KCNIP1: variants seen among roughly 807,000 people sequenced by gnomAD.
The protein encoded by KCNIP1 is A-type potassium channel modulatory protein KCNIP1.
A neutral mutation model predicts 33.0 loss-of-function variants in KCNIP1; 18 were observed. The ratio of observed to expected loss-of-function variants is 0.55; its 90% CI spans 0.38 to 0.81. The LOEUF (loss-of-function observed/expected upper bound fraction) is 0.81. KCNIP1 is among the 30% of genes least tolerant of loss of function. KCNIP1 has a pLI of 0.00. For missense variants in KCNIP1, 238 were observed against 271.6 expected, an observed-to-expected ratio of 0.88 and a Z score of 0.87; for synonymous variants, 93 against 98.3, an observed-to-expected ratio of 0.95 and a Z score of 0.32.
At chr5:170,517,622 AATG>A (rs1453980031) in intron 1 of KCNIP1, among the ~76,000 whole-genome samples, 1 of 151,302 alleles carries the variant, frequency 6.6e-6, no homozygotes, top group Non-Finnish European at 1.5e-5. Flanking sequence ...TGATAATAGT[AATG>A]ATGGTGATAT....
At chr5:170,684,367 C>G (rs1010012293) in intron 1 of KCNIP1, among the ~76,000 whole-genome samples, 3 of 152,172 alleles carry the variant, frequency 2.0e-5, no homozygotes, top group Non-Finnish European at 2.9e-5. Flanking sequence ...AGTCTAAAGT[C>G]TCTAGAGAAG....
At chr5:170,447,128 AGTAGGAGCTGGGAAAGCTCCTACT>A (rs1158309633) in intron 1 of KCNIP1, among the ~76,000 whole-genome samples, 1 of 144,018 alleles carries the variant, frequency 6.9e-6, no homozygotes, top group Non-Finnish European at 1.5e-5. Flanking sequence ...AAAACATCCC[AGTAGGAGCTGGGAAAGCTCCTACT>A]GCATGTCTTG....
chr5:170,453,725 G>C (rs1285214561), intron 1 of KCNIP1, among the ~76,000 whole-genome samples: 3 of 152,200 alleles, frequency 2.0e-5, no homozygotes, highest in South Asian at 2.1e-4. Flanking sequence ...ATTCATGCTA[G>C]AGATTCTCCT....
chr5:170,395,408 G>T (rs1561604313), intron 1 of KCNIP1, among the ~76,000 whole-genome samples: 1 of 152,154 alleles, frequency 6.6e-6, no homozygotes, highest in Non-Finnish European at 1.5e-5. Flanking sequence ...CTAGGTTATG[G>T]CTAAGTCGGG....
Position 170,622,359 on chromosome 5 carries a change from C to T in KCNIP1, c.62-96399C>T, listed in dbSNP as rs553051704. On this transcript the variant is annotated intron_variant, in intron 1 of 7. Coordinates refer to ENST00000328939, the MANE Select transcript of KCNIP1 (RefSeq NM_014592.4). ...GATACAGGCCGGGGCCAGTAGCTCA[C>T]GCCTGTAATCCCAGCACTTTGGGAG... Among the ~76,000 whole-genome samples the T allele has an allele frequency of 1.9e-3, 294 of 152,224 alleles. 6 individuals carry two copies. In the South Asian group the frequency reaches 0.021, roughly 11 times the overall value.
intron 1 of KCNIP1, among the ~76,000 whole-genome samples, chr5:170,621,811 A>T (rs1759613150): frequency 6.6e-6 from 1 of 152,190 alleles, no homozygotes; most frequent in East Asian, 1.9e-4. Context: ...ACCTGGCCTT[A>T]TTCCCTTCTT....
At chr5:170,691,048 G>T (rs1380796313) in intron 1 of KCNIP1, among the ~76,000 whole-genome samples, 2 of 152,206 alleles carry the variant, frequency 1.3e-5, no homozygotes, top group African/African-American at 4.8e-5. Context: ...GAAGACAAAT[G>T]ATAGACTTAC....
At chr5:170,373,045 G>A (rs748086739) in intron 1 of KCNIP1, among the ~76,000 whole-genome samples, 2 of 152,218 alleles carry the variant, frequency 1.3e-5, no homozygotes, top group African/African-American at 2.4e-5. Context: ...TGTTGGCTTT[G>A]CTTCCATATA....
chr5:170,564,986 C>T (rs1010285343), intron 1 of KCNIP1, among the ~76,000 whole-genome samples: 26 of 152,044 alleles, frequency 1.7e-4, no homozygotes, highest in Admixed American at 1.3e-3. Context: ...TTACCTGGCC[C>T]CAAGTCCTGT....
At chr5:170,722,501 AG>A (rs1395363496) in intron 4 of KCNIP1, among the ~76,000 whole-genome samples, 1 of 147,500 alleles carries the variant, frequency 6.8e-6, no homozygotes, top group Non-Finnish European at 1.5e-5. Flanking sequence ...TTCTTCCTCA[AG>A]GGGGCACCTT....
At chr5:170,430,067 C>T (rs1199459262) in intron 1 of KCNIP1, among the ~76,000 whole-genome samples, 1 of 152,224 alleles carries the variant, frequency 6.6e-6, no homozygotes, top group Non-Finnish European at 1.5e-5. Flanking sequence ...ACACACTCTA[C>T]TCCAAAGTCA....
intron 1 of KCNIP1, among the ~76,000 whole-genome samples, chr5:170,595,812 C>T (rs1023753812): frequency 2.0e-5 from 3 of 152,220 alleles, no homozygotes; most frequent in Non-Finnish European, 4.4e-5. Context: ...AAGAGCCAAG[C>T]TCTTTACAGT....
intron 1 of KCNIP1, among the ~76,000 whole-genome samples, chr5:170,396,806 C>A (rs35121838): frequency 0.14 from 20,597 of 152,126 alleles, 1,455 homozygotes; most frequent in Admixed American, 0.19. Context: ...TCTTACCAGA[C>A]CTTAGAAGGT....
intron 1 of KCNIP1, among the ~76,000 whole-genome samples, chr5:170,427,589 C>T (rs1323418661): frequency 1.9e-4 from 29 of 152,178 alleles, no homozygotes; most frequent in Non-Finnish European, 1.5e-5. Flanking sequence ...TGTATCCTCA[C>T]CCAGGGGTTC....
intron 5 of KCNIP1, 150 bp downstream of exon 5, chr5:170,722,970 G>A (rs1441067888): frequency 3.3e-6 from 2 of 599,442 alleles, no homozygotes; most frequent in Admixed American, 6.1e-5. Flanking sequence ...AAATAAAGAA[G>A]GCCTCCCTCA....
chr5:170,616,822 C>T (rs1759393742), intron 1 of KCNIP1, among the ~76,000 whole-genome samples: 1 of 152,144 alleles, frequency 6.6e-6, no homozygotes, highest in Admixed American at 6.5e-5. Context: ...CTTCCATACA[C>T]CTGCCTTCAC....
In KCNIP1 at chr5:170,720,294, C is replaced by T. The variant is rs758156872; in HGVS notation, c.187-27C>T. 1.3e-5 allele frequency: 20 copies of T among 1,588,252 alleles called. No individual in the cohort carries two copies. The African/African-American group carries it at 2.2e-4, about 17-fold the overall frequency. On this transcript the variant is annotated intron_variant, in intron 2 of 7. Transcript: ENST00000328939. ...TCCTAGTGCTGGCCCTCAAATGCCT[C>T]CCGCTGACTCTCTCCCCTTCCCACA...
intron 1 of KCNIP1, among the ~76,000 whole-genome samples, chr5:170,661,585 A>G (rs1341231281): frequency 6.6e-6 from 1 of 152,116 alleles, no homozygotes. Context: ...GGCCTTCAGC[A>G]GCTGCATTCT....
chr5:170,492,863 C>A (rs1263689125), intron 1 of KCNIP1, among the ~76,000 whole-genome samples: 2 of 152,206 alleles, frequency 1.3e-5, no homozygotes, highest in Non-Finnish European at 2.9e-5. Context: ...GATTCTCCTG[C>A]CTCAGCCTCC....
Sources: gnomAD v4.1 joint callset for allele counts (sites outside exome capture counted in the v4.1 genomes callset) on GRCh38, gnomAD v4.1.1 for gene constraint, MANE v1.5 for transcripts, NCBI Gene and HGNC (gene_info 2026-07-23, HGNC 2026-07-21) for gene names.